The following ATG4B variants were observed in gnomAD, a reference collection of about 807,000 sequenced individuals.
ATG4B encodes autophagy related 4B cysteine peptidase.
A neutral mutation model predicts 56.6 loss-of-function variants in ATG4B; 29 were observed. That is an observed-to-expected ratio of 0.51 (90% CI 0.38 to 0.70). The LOEUF (loss-of-function observed/expected upper bound fraction) is 0.70, where lower values mean the gene tolerates loss of function less well. Among genes scored for constraint, ATG4B ranks in the 30% least tolerant of loss-of-function variants. The pLI is 0.00. For missense variants in ATG4B, 461 were observed against 515.5 expected, an observed-to-expected ratio of 0.89 and a Z score of 1.02; for synonymous variants, 224 against 206.1, an observed-to-expected ratio of 1.09 and a Z score of -0.74.
Position 241,672,337 on chromosome 2 carries a change from C to G in ATG4B, c.*73C>G. Reference sequence around the variant, plus strand: ...TGCCGCTGCGTTTCATCCATCCCGCCCGCTCGCCTGCCGAGGGCTGCGCCC... The same window carrying G: ...TGCCGCTGCGTTTCATCCATCCCGCGCGCTCGCCTGCCGAGGGCTGCGCCC... On this transcript the variant is annotated 3_prime_UTR_variant, in exon 13 of 13. Transcript: ENST00000404914. The G allele has an allele frequency of 1.5e-6, 2 of 1,370,812 alleles. No homozygotes were observed. Among genetic ancestry groups the G allele is most frequent in the Non-Finnish European group, 2.0e-6 (2 of 987,022 alleles). The allele number at this position is 1,370,812 out of a possible 1,614,324, so 84.9% of individuals were successfully genotyped here.
chr2:241,661,859 G>A (rs2125136675), intron 7 of ATG4B, among the ~76,000 whole-genome samples: 1 of 152,164 alleles, frequency 6.6e-6, no homozygotes, highest in Non-Finnish European at 1.5e-5. Context: ...CCTTTCTAAC[G>A]ACAGTAGACA....
intron 1 of ATG4B, among the ~76,000 whole-genome samples, chr2:241,647,526 CAGGAGA>C (rs1452526159): frequency 6.7e-6 from 1 of 149,172 alleles, no homozygotes; most frequent in Non-Finnish European, 1.5e-5. Flanking sequence ...GAGGCTGAGG[CAGGAGA>C]ATGGCATGAG....
chr2:241,642,872 CT>C (rs1165718825), intron 1 of ATG4B, among the ~76,000 whole-genome samples: 34 of 104,286 alleles, frequency 3.3e-4, no homozygotes, highest in Middle Eastern at 4.8e-3. Flanking sequence ...CCTCTCCGTC[CT>C]TTTTTTTTTT....
At position 241,637,726 on chromosome 2, in the gene ATG4B, T is replaced by C; in HGVS notation, c.10+2T>C. ...GCCGGACTGGGAAGATGGACGCAGGTGAGGAGTTGCCGGGGGTCGGTCTTT... is the reference window on the plus strand; with the variant it reads ...GCCGGACTGGGAAGATGGACGCAGGCGAGGAGTTGCCGGGGGTCGGTCTTT... On this transcript the variant is annotated splice_donor_variant, in intron 1 of 12. Coordinates refer to ENST00000404914, the MANE Select transcript of ATG4B (RefSeq NM_013325.5). LOFTEE classifies it high-confidence loss of function. 1.1e-5 allele frequency: 18 copies of C among 1,577,398 alleles called. No homozygotes were observed. The highest frequency in any genetic ancestry group is 1.5e-5 in the Non-Finnish European group (18 of 1,165,214).
At chr2:241,670,608 C>A in intron 10 of ATG4B, 118 bp from the exon 11 acceptor site, 1 of 978,128 alleles carries the variant, frequency 1.0e-6, no homozygotes, top group Non-Finnish European at 1.6e-6. Context: ...GCTGGAATGT[C>A]CAGCACCTGC....
intron 12 of ATG4B, chr2:241,671,654 C>A (rs575672194): frequency 1.4e-6 from 2 of 1,439,918 alleles, no homozygotes; most frequent in Non-Finnish European, 9.2e-7. Flanking sequence ...TGGAGCTGGG[C>A]GTGCTACCAT....
chr2:241,641,040 G>A (rs1224333202), intron 1 of ATG4B, among the ~76,000 whole-genome samples: 3 of 152,236 alleles, frequency 2.0e-5, no homozygotes, highest in Non-Finnish European at 4.4e-5. Flanking sequence ...CTGCAGAGGG[G>A]CAAGGGCAGA....
Position 241,666,769 on chromosome 2 carries a change from C to A in ATG4B, c.663C>A (p.Pro221=). ...CCAACAGGCCGTCGCCATGGAGACC[C>A]CTGGTACTTCTCATTCCCCTGCGCC... ...EVTNRPSPWR[P]LVLLIPLRLG... is the part of the protein sequence containing the mutation. Residue 221 remains proline, a synonymous_variant, in exon 8 of 13, where the codon CCC becomes CCA. Coordinates refer to ENST00000404914, the MANE Select transcript of ATG4B (RefSeq NM_013325.5). The A allele has an allele frequency of 6.3e-7, 1 of 1,597,560 alleles. No homozygotes were observed. Among genetic ancestry groups the A allele is most frequent in the Non-Finnish European group, 8.5e-7 (1 of 1,172,042 alleles).
intron 10 of ATG4B, among the ~76,000 whole-genome samples, chr2:241,670,051 G>C (rs941366738): frequency 1.3e-5 from 2 of 152,168 alleles, no homozygotes; most frequent in African/African-American, 4.8e-5. Flanking sequence ...CCTGTCCCCG[G>C]GGGAGAGTGC....
chr2:241,642,165 TG>T (rs1169491024), intron 1 of ATG4B, among the ~76,000 whole-genome samples: 2 of 150,302 alleles, frequency 1.3e-5, no homozygotes, highest in South Asian at 2.1e-4. Flanking sequence ...TGCTGGGGAG[TG>T]GTTTTTTTTT....
chr2:241,648,781 G>A (rs1422687806), intron 1 of ATG4B, among the ~76,000 whole-genome samples: 1 of 152,144 alleles, frequency 6.6e-6, no homozygotes, highest in Admixed American at 6.6e-5. Flanking sequence ...TTTAAACAGT[G>A]CCTGTAGGGC....
chr2:241,652,387 A>C (rs940797550), intron 3 of ATG4B, among the ~76,000 whole-genome samples: 1 of 152,174 alleles, frequency 6.6e-6, no homozygotes, highest in African/African-American at 2.4e-5. Context: ...ACTGGAGCGA[A>C]GCCTTTCTGG....
chr2:241,648,655 G>C (rs538720115), intron 1 of ATG4B, among the ~76,000 whole-genome samples: 2 of 151,664 alleles, frequency 1.3e-5, no homozygotes, highest in East Asian at 3.9e-4. Flanking sequence ...GCTGTGGAAA[G>C]CTTGCTTCAT....
chr2:241,665,780 G>A (rs922255046), intron 7 of ATG4B, among the ~76,000 whole-genome samples: 63 of 152,204 alleles, frequency 4.1e-4, no homozygotes, highest in African/African-American at 1.4e-3. Flanking sequence ...GGTTTTTCTA[G>A]CCTGTCCTTT....
At chr2:241,645,251 A>T (rs1346830898) in intron 1 of ATG4B, among the ~76,000 whole-genome samples, 1 of 152,026 alleles carries the variant, frequency 6.6e-6, no homozygotes, top group African/African-American at 2.4e-5. Flanking sequence ...GAGAGTCTTT[A>T]TTGGCTCTTT....
chr2:241,655,302 A>G lies in ATG4B; in HGVS notation c.417A>G (p.Ile139Met). 6.2e-7 allele frequency: 1 copy of G among 1,612,286 alleles called. No homozygotes were observed. Among genetic ancestry groups the G allele is most frequent in the Non-Finnish European group, 8.5e-7 (1 of 1,179,192 alleles). The change falls in exon 6 of 13, where the codon ATA becomes ATG. Residue 139 changes from isoleucine (I) to methionine (M), a missense_variant. Coordinates refer to ENST00000404914, the MANE Select transcript of ATG4B (RefSeq NM_013325.5). ...AQMGVGEGKS[I>M]GQWYGPNTVA... ...TGGGAGTTGGCGAAGGCAAGTCCAT[A>G]GGCCAGTGGTACGGGCCCAACACTG...
At chr2:241,638,516 T>C (rs1433542383) in intron 1 of ATG4B, 3 of 152,234 alleles carry the variant, frequency 2.0e-5, no homozygotes, top group Admixed American at 6.5e-5. Context: ...ACAGAAGTTT[T>C]AGCTCATTCA....
chr2:241,651,336 G>A lies in ATG4B; in HGVS notation c.184+1G>A. ...TACAGGAAAAACTTTCCAGCCATTG[G>A]TAAGTACTCTGTTTTATTACAACGC... On this transcript the variant is annotated splice_donor_variant, in intron 3 of 12. Transcript: ENST00000404914. LOFTEE classifies it high-confidence loss of function. This position sits in a 1 kb window ranked among gnomAD's most constrained non-coding sequence, Gnocchi z 4.1. 1 of 1,590,402 alleles carries A rather than the reference G, an allele frequency of 6.3e-7. No individual in the cohort carries two copies. Among genetic ancestry groups the A allele is most frequent in the Non-Finnish European group, 8.6e-7 (1 of 1,166,646 alleles).
At chr2:241,644,670 C>T (rs1354846513) in intron 1 of ATG4B, among the ~76,000 whole-genome samples, 1 of 152,070 alleles carries the variant, frequency 6.6e-6, no homozygotes, top group Non-Finnish European at 1.5e-5. Flanking sequence ...GAAGTGTCGG[C>T]CGGTTGCGGT....
Sources: gnomAD v4.1 joint callset for allele counts (sites outside exome capture counted in the v4.1 genomes callset) on GRCh38, gnomAD v4.1.1 for gene constraint, Gnocchi (gnomAD v3.1) non-coding constraint, MANE v1.5 for transcripts, NCBI Gene and HGNC (gene_info 2026-07-23, HGNC 2026-07-21) for gene names.